The following EEF1D variants were observed in gnomAD, a reference collection of about 807,000 sequenced individuals.
EEF1D encodes the protein elongation factor 1-delta.
A neutral mutation model predicts 63.9 loss-of-function variants in EEF1D; 47 were observed. The ratio of observed to expected loss-of-function variants is 0.74; its 90% CI spans 0.58 to 0.94. EEF1D has a LOEUF of 0.94. Among genes scored for constraint, EEF1D ranks in the 40% least tolerant of loss-of-function variants. The probability of loss-of-function intolerance (pLI) is 0.00; values close to 1 mark genes in which losing one functional copy is unlikely to be tolerated. For missense variants in EEF1D, 907 were observed against 899.0 expected, an observed-to-expected ratio of 1.01 and a Z score of -0.11; for synonymous variants, 412 against 386.1, an observed-to-expected ratio of 1.07 and a Z score of -0.79.
At chr8:143,584,796 C>T (rs1200284924) in intron 5 of EEF1D, among the ~76,000 whole-genome samples, 1 of 152,170 alleles carries the variant, frequency 6.6e-6, no homozygotes, top group African/African-American at 2.4e-5. Context: ...GGAGCGCTCC[C>T]TTCAAACCTC....
intron 3 of EEF1D, 94 bp from the exon 4 acceptor site, chr8:143,586,946 C>T: frequency 1.3e-6 from 2 of 1,529,138 alleles, no homozygotes; most frequent in Non-Finnish European, 1.8e-6. Context: ...GGGCTGACAC[C>T]CGCTTCAGAC....
intron 7 of EEF1D, 107 bp from the exon 8 acceptor site, chr8:143,580,834 C>T: frequency 7.4e-7 from 1 of 1,357,294 alleles, no homozygotes. Flanking sequence ...GGAGGAAGGG[C>T]AGCCCCTGTG....
At position 143,589,118 on chromosome 8, in the gene EEF1D, A is replaced by T; in HGVS notation, c.964T>A (p.Tyr322Asn). The T allele has an allele frequency of 2.5e-6, 4 of 1,610,322 alleles. No homozygotes were observed. The highest frequency in any genetic ancestry group is 3.4e-6 in the Non-Finnish European group (4 of 1,179,054). Residue 322 changes from tyrosine to asparagine, a missense_variant, in exon 3 of 10, where the codon TAC becomes AAC. Coordinates refer to ENST00000618139, the MANE Select transcript of EEF1D (RefSeq NM_001130053.5). ...TGGTGGCGGCACTCGGCGCTGTCGT[A>T]GGCAGGCTTGCTGAGCCAGGGGGCC... is the stretch of plus-strand genomic sequence containing the variant. ...AEAPWLSKPA[Y>N]DSAECRHHAA...
rs146696971 is a variant in EEF1D, at chr8:143,589,109, C to T, written c.973G>A (p.Ala325Thr). 569 of 1,610,114 alleles carry T rather than the reference C, an allele frequency of 3.5e-4. 1 individual carries two copies. The highest frequency in any genetic ancestry group is 2.8e-3 in the Middle Eastern group (17 of 6,042). The change falls in exon 3 of 10, where the codon GCC (alanine) becomes ACC (threonine). Residue 325 changes from alanine to threonine, a missense_variant. By Grantham distance (58) the Ala-to-Thr change is moderately conservative. Coordinates refer to ENST00000618139, the MANE Select transcript of EEF1D (RefSeq NM_001130053.5). ...PWLSKPAYDS[A>T]ECRHHAAEAL... ...TCGGCAGCGTGGTGGCGGCACTCGG[C>T]GCTGTCGTAGGCAGGCTTGCTGAGC...
rs556647993 is a variant in EEF1D, at chr8:143,586,907, G to C, written c.1092-55C>G. The C allele has an allele frequency of 5.6e-6, 9 of 1,603,542 alleles. No individual in the cohort carries two copies. In the Admixed American group the frequency reaches 1.5e-4, roughly 27 times the overall value. ...GGCTGGGAAGTGGGCCTCGGCATCA[G>C]GACAGCCCAGAAGCACCAAGGTGCA... On this transcript the variant is annotated intron_variant, in intron 3 of 9. Coordinates refer to ENST00000618139, the MANE Select transcript of EEF1D (RefSeq NM_001130053.5).
chr8:143,586,024 G>A (rs1482141228), intron 5 of EEF1D, 195 bp downstream of exon 5: 2 of 509,618 alleles, frequency 3.9e-6, no homozygotes, highest in African/African-American at 2.0e-5. Context: ...AGCACGGAAG[G>A]GACGCGAGAA....
intron 5 of EEF1D, chr8:143,581,967 C>A (rs1289149079): frequency 6.6e-6 from 1 of 152,468 alleles, no homozygotes; most frequent in Non-Finnish European, 1.5e-5. Context: ...TCTACCTGCA[C>A]GCATGGGCCA....
At position 143,579,736 on chromosome 8, in the gene EEF1D, C is replaced by CA. The variant is rs112488007; in HGVS notation, c.*55dup. 3.3e-3 allele frequency: 4,944 copies of CA among 1,506,426 alleles called. 146 individuals are homozygous for CA. The African/African-American group carries it at 0.063, about 19-fold the overall frequency. 93.3% of individuals were successfully genotyped at this position (1,506,426 alleles called of 1,614,324 possible). On this transcript the variant is annotated 3_prime_UTR_variant, in exon 10 of 10. Coordinates refer to ENST00000618139, the MANE Select transcript of EEF1D (RefSeq NM_001130053.5). The stretch of plus-strand genomic sequence containing the variant: ...CAGGACGGAGCCAGAGGGCCGGTCT[C>CA]AGTCTTTAATCGTGGCAGGGCCTCA...
At position 143,589,219 on chromosome 8, in the gene EEF1D, C is replaced by T. The variant is rs1253720734; in HGVS notation, c.863G>A (p.Arg288Gln). 11 of 1,581,412 alleles carry T rather than the reference C, an allele frequency of 7.0e-6. No individual in the cohort carries two copies. The highest frequency in any genetic ancestry group is 1.7e-4 in the Middle Eastern group (1 of 5,968). The change falls in exon 3 of 10, where the codon CGG becomes CAG. Residue 288 changes from arginine to glutamine, a missense_variant. Coordinates refer to ENST00000618139, the MANE Select transcript of EEF1D (RefSeq NM_001130053.5). The stretch of plus-strand genomic sequence containing the variant: ...CCCATCGGCCCGTCGCAGCCCGGCC[C>T]GCTTGTTCCCTAAGATGTTGCGGCC... ...RRGRNILGNKRAGLRRADGEA... is the reference protein window; with the variant it reads ...RRGRNILGNKQAGLRRADGEA...
At position 143,581,304 on chromosome 8, in the gene EEF1D, C is replaced by A. The variant is rs751678877; in HGVS notation, c.1312G>T (p.Gly438Cys). The change falls in exon 6 of 10, where the codon GGC becomes TGC. Residue 438 changes from glycine to cysteine, a missense_variant. Gly to Cys is a radical substitution (Grantham distance 159). Coordinates refer to ENST00000618139, the MANE Select transcript of EEF1D (RefSeq NM_001130053.5). ...AGCTCACCGTGGTCTCCGCTGGTGC[C>A]GCTGGAGGCCCCGGGGCCTGAGCTC... ...AGSSGPGASS[G>C]TSGDHGELVV... 1.9e-6 allele frequency: 3 copies of A among 1,611,732 alleles called. No homozygotes were observed. Among genetic ancestry groups the A allele is most frequent in the Admixed American group, 1.7e-5 (1 of 59,966 alleles).
intron 1 of EEF1D, 48 bp from the exon 2 acceptor site, chr8:143,592,708 G>A (rs1828176153): frequency 1.0e-6 from 1 of 985,756 alleles, no homozygotes; most frequent in Non-Finnish European, 1.2e-6. Flanking sequence ...CAGCCAGAAA[G>A]ACTAACCGGG....
At chr8:143,586,941 G>A (rs1284421841) in intron 3 of EEF1D, 89 bp from the exon 4 acceptor site, 5 of 1,550,824 alleles carry the variant, frequency 3.2e-6, no homozygotes, top group Non-Finnish European at 4.4e-6. Flanking sequence ...CAGTGGGGCT[G>A]ACACCCGCTT....
At chr8:143,591,869 G>T (rs1280871572) in intron 2 of EEF1D, among the ~76,000 whole-genome samples, 1 of 152,258 alleles carries the variant, frequency 6.6e-6, no homozygotes, top group Non-Finnish European at 1.5e-5. Context: ...CTCCACCCAG[G>T]CAGGGAGGAC....
At chr8:143,582,824 CAGAG>C (rs1205871953) in intron 5 of EEF1D, 1 of 152,260 alleles carries the variant, frequency 6.6e-6, no homozygotes, top group Non-Finnish European at 1.5e-5. Flanking sequence ...CAGCGGGCCT[CAGAG>C]AGCCCCTCAG....
chr8:143,584,496 G>A (rs1826174229), intron 5 of EEF1D, among the ~76,000 whole-genome samples: 1 of 152,112 alleles, frequency 6.6e-6, no homozygotes, highest in Non-Finnish European at 1.5e-5. Flanking sequence ...GAACCCCAGA[G>A]GCTGAGGTTG....
In EEF1D at chr8:143,591,749, G is replaced by A. The variant is rs188314594; in HGVS notation, c.-1+898C>T. 2.2e-3 allele frequency among the ~76,000 whole-genome samples: 339 copies of A among 152,370 alleles called. 3 individuals carry two copies. The highest frequency in any genetic ancestry group is 6.7e-3 in the African/African-American group (277 of 41,584). ...AGAGGGAGGCAGCCTTCGGTCAAGA[G>A]CAGACCCTTCACACCAGTGGCTATG... On this transcript the variant is annotated intron_variant, in intron 2 of 9. Transcript: ENST00000618139.
At position 143,589,820 on chromosome 8, in the gene EEF1D, T is replaced by A; in HGVS notation, c.262A>T (p.Arg88Trp). 1 of 1,603,474 alleles carries A rather than the reference T, an allele frequency of 6.2e-7. No homozygotes were observed. The highest frequency in any genetic ancestry group is 2.2e-5 in the East Asian group (1 of 44,750). The change falls in exon 3 of 10, where the codon AGG becomes TGG. Residue 88 changes from arginine to tryptophan, a missense_variant. Transcript: ENST00000618139. ...QDSRKPLQKKRKRSPKSGLGP... is the reference protein window; with the variant it reads ...QDSRKPLQKKWKRSPKSGLGP... ...AGCCCGCTCTTGGGGGAGCGCTTCC[T>A]CTTTTTCTGCAGGGGCTTCCTGCTG...
chr8:143,585,296 C>T (rs573267730), intron 5 of EEF1D, among the ~76,000 whole-genome samples: 43 of 152,176 alleles, frequency 2.8e-4, no homozygotes, highest in Non-Finnish European at 4.7e-4. Context: ...GAGAGAGGCG[C>T]GAGATGGAAG....
intron 5 of EEF1D, 102 bp from the exon 6 acceptor site, chr8:143,581,430 C>T (rs1223348575): frequency 8.3e-6 from 9 of 1,085,636 alleles, no homozygotes; most frequent in African/African-American, 6.3e-5. Flanking sequence ...AACTACAGCT[C>T]GGGAGAGCAG....
Sources: allele counts gnomAD v4.1 joint callset (sites outside exome capture counted in the v4.1 genomes callset), GRCh38; gene constraint gnomAD v4.1.1; transcripts MANE v1.5; gene names NCBI Gene and HGNC (gene_info 2026-07-23, HGNC 2026-07-21).